The following AFMID variants were observed in gnomAD, a reference collection of about 807,000 sequenced individuals.
AFMID encodes the protein kynurenine formamidase.
Under a neutral mutation model 47.5 loss-of-function variants are expected in AFMID, and 39 were observed. That is an observed-to-expected ratio of 0.82 (90% CI 0.64 to 1.07). The LOEUF (loss-of-function observed/expected upper bound fraction) is 1.07, where lower values mean the gene tolerates loss of function less well. Among genes scored for constraint, AFMID ranks in the 50% least tolerant of loss-of-function variants. AFMID has a pLI of 0.00. For synonymous variants in AFMID, 130 were observed against 153.2 expected (o/e 0.85, Z 1.12); for missense variants, 375 against 387.5 (o/e 0.97, Z 0.27).
chr17:78,187,483 T>C, intron 1 of AFMID, 50 bp downstream of exon 1: 4 of 1,603,342 alleles, frequency 2.5e-6, no homozygotes, highest in Non-Finnish European at 3.4e-6. Context: ...AGTTAGCTCA[T>C]TTATTAGATT....
intron 2 of AFMID, among the ~76,000 whole-genome samples, chr17:78,200,187 G>T (rs2076212071): frequency 6.6e-6 from 1 of 152,220 alleles, no homozygotes; most frequent in Middle Eastern, 3.4e-3. Context: ...ACAGAGTCTT[G>T]CTCTGTCGCC....
intron 4 of AFMID, chr17:78,203,388 G>A (rs1047089597): frequency 3.5e-5 from 5 of 142,538 alleles, no homozygotes; most frequent in Non-Finnish European, 6.0e-5. Context: ...TTTTTATAAG[G>A]TCATAGTCAC....
At chr17:78,189,649 G>T (rs1306368640) in intron 1 of AFMID, among the ~76,000 whole-genome samples, 1 of 151,474 alleles carries the variant, frequency 6.6e-6, no homozygotes, top group Non-Finnish European at 1.5e-5. Flanking sequence ...CTCCCGAATA[G>T]CTAGGACTAC....
intron 2 of AFMID, among the ~76,000 whole-genome samples, chr17:78,193,296 G>T (rs2145851681): frequency 6.6e-6 from 1 of 150,532 alleles, no homozygotes; most frequent in African/African-American, 2.4e-5. Context: ...GTGTGAACCT[G>T]GGAGGTGGAG....
intron 2 of AFMID, chr17:78,192,721 C>T (rs1024163260): frequency 1.4e-4 from 67 of 464,508 alleles, no homozygotes; most frequent in East Asian, 1.1e-3. Context: ...TGCTGTACCA[C>T]GATCTGAACA....
chr17:78,198,036 C>A (rs934043880), intron 2 of AFMID, among the ~76,000 whole-genome samples: 2 of 152,092 alleles, frequency 1.3e-5, no homozygotes, highest in African/African-American at 4.8e-5. Flanking sequence ...CGAGAACAGC[C>A]TGGGCAACAT....
intron 2 of AFMID, among the ~76,000 whole-genome samples, chr17:78,194,742 T>C (rs2076064360): frequency 6.6e-6 from 1 of 152,192 alleles, no homozygotes; most frequent in African/African-American, 2.4e-5. Flanking sequence ...TGTCCAGGCT[T>C]GGAGTGCAAT....
chr17:78,202,762 G>T lies in AFMID; in HGVS notation c.308+11G>T. On this transcript the variant is annotated intron_variant, in intron 4 of 10. Coordinates refer to ENST00000409257, the MANE Select transcript of AFMID (RefSeq NM_001010982.5). ...CTGGCAGAGCGGAAGGTGAGTCGGG[G>T]GATGTGGATGGTGGACTGCAAGAGA... The T allele has an allele frequency of 1.3e-6, 2 of 1,554,434 alleles. No individual in the cohort carries two copies. Among genetic ancestry groups the T allele is most frequent in the Non-Finnish European group, 1.7e-6 (2 of 1,148,694 alleles).
chr17:78,203,669 G>A (rs2076305374), intron 4 of AFMID: 1 of 152,152 alleles, frequency 6.6e-6, no homozygotes, highest in Non-Finnish European at 1.5e-5. Context: ...GATCTTGGCA[G>A]ACACTGCTGT....
At chr17:78,197,141 T>G in intron 2 of AFMID, 2 of 1,549,866 alleles carry the variant, frequency 1.3e-6, no homozygotes, top group Non-Finnish European at 1.7e-6. Flanking sequence ...CTAGTCCATT[T>G]ATAGGCTTGA....
rs200914851 is a variant in AFMID at position 78,194,110 on chromosome 17, GTTT to G, written c.154+3062_154+3064del. Among the ~76,000 whole-genome samples the G allele has an allele frequency of 4.8e-5, 7 of 145,380 alleles. No individual in the cohort carries two copies. The South Asian group carries it at 8.8e-4, about 18-fold the overall frequency. ...GGCTGCATATTTCTTTATGTATTGG[GTTT>G]TTTTTTTTTTTCTTTGAGACAAGGC... On this transcript the variant is annotated intron_variant, in intron 2 of 10. Transcript: ENST00000409257.
chr17:78,190,139 TTTC>T (rs1273202269), intron 1 of AFMID, among the ~76,000 whole-genome samples: 4 of 151,392 alleles, frequency 2.6e-5, no homozygotes, highest in Non-Finnish European at 4.4e-5. Flanking sequence ...TGTTTTTTTT[TTTC>T]TTTTTTTAAT....
chr17:78,205,259 C>T, intron 7 of AFMID, 69 bp downstream of exon 7: 1 of 1,513,788 alleles, frequency 6.6e-7, no homozygotes, highest in Non-Finnish European at 9.1e-7. Context: ...TTTGGGCCAA[C>T]TGCTTGAAAT....
chr17:78,202,908 G>T (rs2076284105), intron 4 of AFMID, 157 bp downstream of exon 4: 7 of 915,680 alleles, frequency 7.6e-6, no homozygotes, highest in Non-Finnish European at 1.2e-5. Flanking sequence ...CAAGTCAAAT[G>T]TGGGCAGGGT....
Position 78,202,492 on chromosome 17 carries a change from G to A in AFMID, c.155-7G>A. The A allele has an allele frequency of 3.7e-6, 6 of 1,613,880 alleles. No homozygotes were observed. The highest frequency in any genetic ancestry group is 5.1e-6 in the Non-Finnish European group (6 of 1,179,834). On this transcript the variant is annotated splice_polypyrimidine_tract_variant and splice_region_variant and intron_variant, in intron 2 of 10. Transcript: ENST00000409257. ...TGCTGACAGCGACTTGTCCATTTCT[G>A]AGACAGCCACCACAAGGGCCCGGGC...
intron 2 of AFMID, chr17:78,192,698 T>C (rs2076005022): frequency 2.1e-6 from 1 of 470,266 alleles, no homozygotes; most frequent in Non-Finnish European, 4.4e-6. Flanking sequence ...ATCTCTACCC[T>C]GTATCTGCAA....
intron 2 of AFMID, among the ~76,000 whole-genome samples, chr17:78,201,793 T>C (rs564830512): frequency 1.3e-4 from 20 of 151,718 alleles, no homozygotes; most frequent in Non-Finnish European, 2.9e-4. Context: ...TGCAGTGGCG[T>C]GATCTCAGCT....
intron 1 of AFMID, among the ~76,000 whole-genome samples, chr17:78,188,844 C>G (rs184397294): frequency 6.6e-6 from 1 of 152,068 alleles, no homozygotes; most frequent in Non-Finnish European, 1.5e-5. Flanking sequence ...TGATCCGCCC[C>G]CCTTGGCCTC....
intron 2 of AFMID, among the ~76,000 whole-genome samples, chr17:78,195,246 G>T (rs920696039): frequency 6.6e-6 from 1 of 151,884 alleles, no homozygotes; most frequent in Non-Finnish European, 1.5e-5. Context: ...CCAGGCTGGA[G>T]GGCAGTGGTG....
Sources: allele counts gnomAD v4.1 joint callset (sites outside exome capture counted in the v4.1 genomes callset), GRCh38; gene constraint gnomAD v4.1.1; transcripts MANE v1.5; gene names NCBI Gene and HGNC (gene_info 2026-07-23, HGNC 2026-07-21).